The following THOC5 variants were observed in gnomAD, a reference collection of about 807,000 sequenced individuals.
THOC5 encodes Fms-interacting protein.
In THOC5, 43 loss-of-function variants were observed where a neutral mutation model predicts 92.9. The observed-to-expected ratio is 0.46, with a 90% confidence interval of 0.36 to 0.60. THOC5 has a LOEUF of 0.60. THOC5 is among the 20% of genes least tolerant of loss of function. THOC5 has a pLI of 0.00. For synonymous variants in THOC5, 296 were observed against 320.1 expected (o/e 0.92, Z 0.80); for missense variants, 659 against 849.4 (o/e 0.78, Z 2.79).
At chr22:29,508,621 C>A in intron 19 of THOC5, 101 bp from the exon 20 acceptor site, 6 of 1,035,094 alleles carry the variant, frequency 5.8e-6, no homozygotes, top group Non-Finnish European at 8.9e-6. Flanking sequence ...GGCAGAGTTA[C>A]ATGACACAGA....
intron 7 of THOC5, 117 bp from the exon 8 acceptor site, chr22:29,532,080 G>C: frequency 8.1e-7 from 1 of 1,228,972 alleles, no homozygotes; most frequent in Non-Finnish European, 1.1e-6. Flanking sequence ...TAAACTAATA[G>C]AACTAATAGG....
intron 5 of THOC5, among the ~76,000 whole-genome samples, chr22:29,539,887 CG>C (rs1386921483): frequency 6.6e-6 from 1 of 152,044 alleles, no homozygotes; most frequent in Non-Finnish European, 1.5e-5. Context: ...ACATTAGCCG[CG>C]TAAGAACAGA....
chr22:29,522,988 G>A (rs539211041), intron 12 of THOC5, among the ~76,000 whole-genome samples: 3 of 152,056 alleles, frequency 2.0e-5, no homozygotes, highest in African/African-American at 4.8e-5. Flanking sequence ...GCGACAGAGC[G>A]AGACTCTGTC....
Position 29,532,404 on chromosome 22 carries a change from C to T in THOC5, c.715-441G>A, listed in dbSNP as rs908871761. ...ACAGGCCGGGCATAGTGGCTCACGC[C>T]TGTAATCTCAGCACTTTGGGAGGCT... On this transcript the variant is annotated intron_variant, in intron 7 of 19. Coordinates refer to ENST00000490103, the MANE Select transcript of THOC5 (RefSeq NM_003678.5). Among the ~76,000 whole-genome samples, 10 of 152,360 alleles carry T rather than the reference C, an allele frequency of 6.6e-5. No homozygotes were observed. In the East Asian group the frequency reaches 1.2e-3, roughly 18 times the overall value.
At chr22:29,531,510 C>T in intron 8 of THOC5, 1 of 1,090,632 alleles carries the variant, frequency 9.2e-7, no homozygotes, top group Non-Finnish European at 1.1e-6. Context: ...AGGCACTGAT[C>T]TAACTGCCAA....
At chr22:29,552,565 G>T (rs984748666) in intron 1 of THOC5, among the ~76,000 whole-genome samples, 6 of 150,132 alleles carry the variant, frequency 4.0e-5, no homozygotes, top group South Asian at 2.1e-4. Flanking sequence ...CGCCCCGTCC[G>T]GGGGGGAGGT....
chr22:29,542,061 A>G (rs2063908495), intron 5 of THOC5, among the ~76,000 whole-genome samples: 1 of 151,498 alleles, frequency 6.6e-6, no homozygotes, highest in East Asian at 1.9e-4. Flanking sequence ...CCTCCTTCTC[A>G]TCTCTCAGCT....
chr22:29,544,282 T>G (rs933384114), intron 3 of THOC5, among the ~76,000 whole-genome samples, 178 bp downstream of exon 3: 2 of 152,170 alleles, frequency 1.3e-5, no homozygotes, highest in Non-Finnish European at 2.9e-5. Flanking sequence ...CTGTAATTGG[T>G]GACTGAATGG....
rs1321643039 is a variant in THOC5, at chr22:29,507,232, C to T, written c.*1225G>A. On this transcript the variant is annotated 3_prime_UTR_variant, in exon 20 of 20. Transcript: ENST00000490103. Reference sequence around the variant, plus strand: ...TCCACCTCCCCCACTTTTTCTGCCTCTGCCATCCCTGAGACACCAAGACCA... The same window carrying T: ...TCCACCTCCCCCACTTTTTCTGCCTTTGCCATCCCTGAGACACCAAGACCA... 1 of 152,278 alleles carries T rather than the reference C, an allele frequency of 6.6e-6. No homozygotes were observed. The highest frequency in any genetic ancestry group is 1.5e-5 in the Non-Finnish European group (1 of 68,140). The allele number at this position is 152,278 out of a possible 1,614,324, so 9.4% of individuals were successfully genotyped here.
At chr22:29,533,752 A>C (rs1377234830) in intron 7 of THOC5, among the ~76,000 whole-genome samples, 1 of 152,214 alleles carries the variant, frequency 6.6e-6, no homozygotes, top group Non-Finnish European at 1.5e-5. Context: ...GTTCAACATC[A>C]CTAGTCCTCA....
chr22:29,548,612 G>A (rs2064076905), intron 2 of THOC5, among the ~76,000 whole-genome samples: 1 of 152,094 alleles, frequency 6.6e-6, no homozygotes, highest in South Asian at 2.1e-4. Flanking sequence ...TTCAAGGACA[G>A]AGAAACAGAC....
At chr22:29,533,130 G>T (rs1209471740) in intron 7 of THOC5, among the ~76,000 whole-genome samples, 3 of 152,210 alleles carry the variant, frequency 2.0e-5, no homozygotes, top group East Asian at 3.8e-4. Flanking sequence ...TTCTAAAGTG[G>T]TCTGCAGATT....
intron 1 of THOC5, among the ~76,000 whole-genome samples, chr22:29,552,787 G>A (rs1033092158): frequency 5.9e-5 from 9 of 152,212 alleles, no homozygotes; most frequent in Non-Finnish European, 1.0e-4. Context: ...TGGCGGTTTT[G>A]TCTAGTAGAG....
intron 8 of THOC5, among the ~76,000 whole-genome samples, 187 bp from the exon 9 acceptor site, chr22:29,529,426 G>A (rs572012302): frequency 2.0e-5 from 3 of 152,188 alleles, no homozygotes; most frequent in Admixed American, 6.5e-5. Context: ...TTTTTTTTCC[G>A]TCATTTACTG....
chr22:29,544,327 G>A, intron 3 of THOC5, 133 bp downstream of exon 3: 1 of 859,710 alleles, frequency 1.2e-6, no homozygotes, highest in Non-Finnish European at 1.7e-6. Flanking sequence ...CAGGTTTTGG[G>A]AGCCCTCAGG....
At chr22:29,516,956 G>A in intron 17 of THOC5, 73 bp downstream of exon 17, 1 of 1,469,598 alleles carries the variant, frequency 6.8e-7, no homozygotes, top group African/African-American at 1.4e-5. Flanking sequence ...TTCTGCTTTG[G>A]GCAGCCCCGG....
At chr22:29,530,272 T>C (rs781681509) in intron 8 of THOC5, among the ~76,000 whole-genome samples, 6 of 151,858 alleles carry the variant, frequency 4.0e-5, no homozygotes, top group Non-Finnish European at 8.8e-5. Flanking sequence ...GGCTCATGTC[T>C]GGTTGGGAGG....
chr22:29,553,297 C>T (rs2064216216), intron 1 of THOC5, among the ~76,000 whole-genome samples: 1 of 152,216 alleles, frequency 6.6e-6, no homozygotes, highest in African/African-American at 2.4e-5. Flanking sequence ...GTAAGTTGAT[C>T]TGGCAAAGCC....
chr22:29,529,123 C>G (rs1274929887), intron 9 of THOC5, 39 bp downstream of exon 9: 2 of 1,604,142 alleles, frequency 1.2e-6, no homozygotes, highest in East Asian at 4.5e-5. Flanking sequence ...GGATGGTGAC[C>G]TGGTGTCCCT....
Sources: allele counts gnomAD v4.1 joint callset (sites outside exome capture counted in the v4.1 genomes callset), GRCh38; gene constraint gnomAD v4.1.1; transcripts MANE v1.5; gene names NCBI Gene and HGNC (gene_info 2026-07-23, HGNC 2026-07-21).